Variants in MAP9 observed in about 807,000 individuals in gnomAD.
The protein encoded by MAP9 is microtubule associated protein 9.
A neutral mutation model predicts 75.2 loss-of-function variants in MAP9; 80 were observed. That is an observed-to-expected ratio of 1.06 (90% CI 0.89 to 1.28). MAP9 has a LOEUF of 1.28. MAP9 is among the 50% of genes most tolerant of loss of function. The probability of loss-of-function intolerance (pLI) is 0.00; values close to 1 mark genes in which losing one functional copy is unlikely to be tolerated. For synonymous variants in MAP9, 235 were observed against 237.3 expected (o/e 0.99, Z 0.09); for missense variants, 753 against 719.9 (o/e 1.05, Z -0.53).
At chr4:155,373,824 T>C (rs2111293192) in intron 3 of MAP9, among the ~76,000 whole-genome samples, 1 of 152,302 alleles carries the variant, frequency 6.6e-6, no homozygotes, top group Admixed American at 6.5e-5. Context: ...GCAAATTACT[T>C]CTTCATGTAA....
At chr4:155,365,749 T>C (rs1243526550) in intron 5 of MAP9, among the ~76,000 whole-genome samples, 2 of 151,924 alleles carry the variant, frequency 1.3e-5, no homozygotes, top group African/African-American at 4.8e-5. Context: ...TAAATCACCA[T>C]AAAATAACCA....
chr4:155,360,704 G>A (rs1028163236), intron 6 of MAP9, among the ~76,000 whole-genome samples: 15 of 151,934 alleles, frequency 9.9e-5, no homozygotes, highest in African/African-American at 3.1e-4. Context: ...CATGTCAAAA[G>A]AGCTTGTTGA....
chr4:155,345,930 G>A lies in MAP9; in HGVS notation c.*1853C>T, dbSNP rs1731268606. ...TCTATTTTGGCAGGCACTGTTTTTG[G>A]TACTATGGGGGACACAGGAATGAGT... On this transcript the variant is annotated 3_prime_UTR_variant, in exon 14 of 14. Transcript: ENST00000311277. 6.6e-6 allele frequency: 1 copy of A among 152,002 alleles called. No homozygotes were observed. The highest frequency in any genetic ancestry group is 1.5e-5 in the Non-Finnish European group (1 of 67,990). The allele number at this position is 152,002 out of a possible 1,614,324, so 9.4% of individuals were successfully genotyped here.
At position 155,360,228 on chromosome 4, in the gene MAP9, ATCAACTGT is replaced by A; in HGVS notation, c.982_989del (p.Thr328SerfsTer5). ...TACTCTGAGATTTAGATAGTAGTGG[ATCAACTGT>A]TCTGTCATCATCCATAATCAGTTCC... On this transcript the variant is annotated frameshift_variant, in exon 7 of 14. Coordinates refer to ENST00000311277, the MANE Select transcript of MAP9 (RefSeq NM_001039580.2). LOFTEE classifies it high-confidence loss of function. 1 of 1,612,840 alleles carries A rather than the reference ATCAACTGT, an allele frequency of 6.2e-7. No homozygotes were observed. Among genetic ancestry groups the A allele is most frequent in the Middle Eastern group, 1.7e-4 (1 of 6,056 alleles).
chr4:155,363,074 T>A (rs1578850485), intron 5 of MAP9: 2 of 152,162 alleles, frequency 1.3e-5, no homozygotes, highest in African/African-American at 4.8e-5. Context: ...CCAATAAGTA[T>A]GTGGAAAATA....
At chr4:155,350,019 T>A (rs895819322) in intron 13 of MAP9, 5 of 232,210 alleles carry the variant, frequency 2.2e-5, no homozygotes, top group Non-Finnish European at 4.3e-5. Context: ...ACTGAGCTTT[T>A]TGCTTATTTT....
At chr4:155,352,512 G>A (rs1335337315) in intron 13 of MAP9, 84 bp downstream of exon 13, 2 of 1,355,952 alleles carry the variant, frequency 1.5e-6, no homozygotes, top group African/African-American at 3.0e-5. Flanking sequence ...AGTAGGTCTG[G>A]AGCAAATAGA....
At position 155,342,719 on chromosome 4, in the gene MAP9, G is replaced by A. The variant is rs10326; in HGVS notation, c.*5064C>T. On this transcript the variant is annotated 3_prime_UTR_variant, in exon 14 of 14. Coordinates refer to ENST00000311277, the MANE Select transcript of MAP9 (RefSeq NM_001039580.2). ...ACGATATGACATTACAAAGTGACCC[G>A]TGACATCTTTTTTAATCTTGCACAC... 102,402 of 151,868 alleles carry A rather than the reference G, an allele frequency of 0.67. 36,501 individuals are homozygous for A. The highest frequency in any genetic ancestry group is 0.91 in the East Asian group (4,730 of 5,176). The allele number at this position is 151,868 out of a possible 1,614,324, so 9.4% of individuals were successfully genotyped here. A position where few individuals can be genotyped will look rare whatever the true frequency, so the allele number is the denominator to read the frequency against.
rs773270849 is a variant in MAP9, at chr4:155,347,868, T to A, written c.1859A>T (p.Gln620Leu). 2 of 1,582,568 alleles carry A rather than the reference T, an allele frequency of 1.3e-6. No homozygotes were observed. The highest frequency in any genetic ancestry group is 4.6e-5 in the East Asian group (2 of 43,792). ...KEKQERIERK[Q>L]KKRHSFLESE... ...TTCAAGAAAGGAATGACGTTTCTTC[T>A]GTTTTCGTTCAATTCTTTCTTGTTT... The change falls in exon 14 of 14, where the codon CAG becomes CTG. Residue 620 changes from glutamine to leucine, a missense_variant. Gln to Leu is a moderately radical substitution (Grantham distance 113, BLOSUM62 -2). Coordinates refer to ENST00000311277, the MANE Select transcript of MAP9 (RefSeq NM_001039580.2).
intron 13 of MAP9, among the ~76,000 whole-genome samples, chr4:155,348,214 A>G (rs531869357): frequency 6.2e-4 from 93 of 150,100 alleles, no homozygotes; most frequent in Non-Finnish European, 1.0e-3. Context: ...GTGCATGCCT[A>G]TAGTCCCACC....
chr4:155,352,502 A>C, intron 13 of MAP9, 94 bp downstream of exon 13: 1 of 1,229,276 alleles, frequency 8.1e-7, no homozygotes, highest in Non-Finnish European at 1.1e-6. Context: ...AGAAATGATC[A>C]GTAGGTCTGG....
Position 155,368,708 on chromosome 4 carries a change from C to A in MAP9, c.586G>T (p.Asp196Tyr). The A allele has an allele frequency of 6.2e-7, 1 of 1,614,112 alleles. No homozygotes were observed. The highest frequency in any genetic ancestry group is 1.1e-5 in the South Asian group (1 of 91,084). The change falls in exon 5 of 14, where the codon GAT becomes TAT. Residue 196 changes from aspartate (D) to tyrosine (Y), a missense_variant. Coordinates refer to ENST00000311277, the MANE Select transcript of MAP9 (RefSeq NM_001039580.2). ...TCTTCACTGAGGGCAGTTTCTTTAT[C>A]TTCTAGTCCATCCTTCTCCTCCATG... ...SHMEEKDGLE[D>Y]KETALSEELE... is the part of the protein sequence containing the mutation.
At position 155,352,635 on chromosome 4, in the gene MAP9, A is replaced by G; in HGVS notation, c.1782T>C (p.Asp594=). The G allele has an allele frequency of 6.5e-7, 1 of 1,546,004 alleles. No homozygotes were observed. The highest frequency in any genetic ancestry group is 1.2e-5 in the South Asian group (1 of 86,358). The change falls in exon 13 of 14, where the codon GAT becomes GAC. Residue 594 remains aspartate (D), a synonymous_variant. Transcript: ENST00000311277. ...ATTCATTAATAGCTTGTTTATCTTT[A>G]TCTTTTTTCTCAGCTCTTTTCAGTT... ...KEELKRAEKK[D]KDKQAINEYE...
chr4:155,351,539 T>C (rs1435364549), intron 13 of MAP9, among the ~76,000 whole-genome samples: 2 of 149,848 alleles, frequency 1.3e-5, no homozygotes, highest in African/African-American at 2.4e-5. Context: ...ACCAACAATA[T>C]AGTGGGGGTA....
chr4:155,368,698 G>A lies in MAP9; in HGVS notation c.596C>T (p.Thr199Ile). Residue 199 changes from threonine (T) to isoleucine (I), a missense_variant, in exon 5 of 14, where the codon ACT (threonine) becomes ATT (isoleucine). By Grantham distance (89) the Thr-to-Ile change is moderately conservative. Transcript: ENST00000311277. ...EEKDGLEDKETALSEELELHS... is the reference protein window; with the variant it reads ...EEKDGLEDKEIALSEELELHS... ...TAACTCCAATTCTTCACTGAGGGCA[G>A]TTTCTTTATCTTCTAGTCCATCCTT... 2.5e-6 allele frequency: 4 copies of A among 1,614,032 alleles called. No individual in the cohort carries two copies. Among genetic ancestry groups the A allele is most frequent in the Non-Finnish European group, 3.4e-6 (4 of 1,179,898 alleles).
At chr4:155,371,980 G>A (rs920158321) in intron 4 of MAP9, among the ~76,000 whole-genome samples, 1 of 152,034 alleles carries the variant, frequency 6.6e-6, no homozygotes, top group Non-Finnish European at 1.5e-5. Flanking sequence ...TAGTTTATGA[G>A]ATGCACTTCA....
intron 6 of MAP9, 128 bp downstream of exon 6, chr4:155,361,920 G>A (rs761256122): frequency 8.8e-5 from 54 of 611,814 alleles, no homozygotes; most frequent in Non-Finnish European, 1.4e-4. Context: ...TACATAGTCA[G>A]GATTAAAACT....
rs774276275 is a variant in MAP9 at position 155,362,108 on chromosome 4, G to A, written c.742C>T (p.Leu248Phe). The A allele has an allele frequency of 1.1e-5, 17 of 1,596,664 alleles. No homozygotes were observed. The highest frequency in any genetic ancestry group is 1.4e-5 in the Non-Finnish European group (16 of 1,174,608). ...SCLTSLASSSLKQILGDSFSP... is the reference protein window; with the variant it reads ...SCLTSLASSSFKQILGDSFSP... ...AAAGAATCTCCAAGAATTTGTTTAA[G>A]TGATGATGATGCTAGACTTGTTAAG... The change falls in exon 6 of 14, where the codon CTT (leucine) becomes TTT (phenylalanine). Residue 248 changes from leucine to phenylalanine, a missense_variant. By Grantham distance (22) the Leu-to-Phe change is conservative. Coordinates refer to ENST00000311277, the MANE Select transcript of MAP9 (RefSeq NM_001039580.2).
At chr4:155,369,431 A>C (rs368284548) in intron 4 of MAP9, among the ~76,000 whole-genome samples, 3 of 151,452 alleles carry the variant, frequency 2.0e-5, no homozygotes, top group African/African-American at 7.3e-5. Flanking sequence ...TTAACTCTTC[A>C]ACATTGTGAA....
Sources: allele counts gnomAD v4.1 joint callset (sites outside exome capture counted in the v4.1 genomes callset), GRCh38; gene constraint gnomAD v4.1.1; transcripts MANE v1.5; gene names NCBI Gene and HGNC (gene_info 2026-07-23, HGNC 2026-07-21).